The following LHPP variants were observed in gnomAD, a reference collection of about 807,000 sequenced individuals.
The protein encoded by LHPP is phospholysine phosphohistidine inorganic pyrophosphate phosphatase.
A neutral mutation model predicts 30.3 loss-of-function variants in LHPP; 24 were observed. The ratio of observed to expected loss-of-function variants is 0.79; its 90% CI spans 0.57 to 1.11. The LOEUF is 1.11. LHPP is among the 50% of genes most tolerant of loss of function. The probability of loss-of-function intolerance (pLI) is 0.00; values close to 1 mark genes in which losing one functional copy is unlikely to be tolerated. For missense variants in LHPP, 356 were observed against 367.2 expected (o/e 0.97, Z 0.25); for synonymous variants, 150 against 157.1 (o/e 0.95, Z 0.34).
intron 6 of LHPP, among the ~76,000 whole-genome samples, chr10:124,562,927 T>C (rs1301135307): frequency 7.9e-6 from 1 of 126,888 alleles, no homozygotes; most frequent in Non-Finnish European, 1.7e-5. Flanking sequence ...ACAAGAAAGA[T>C]ACCATCTAAA....
In LHPP at chr10:124,559,723, A is replaced by T. The variant is rs547693248; in HGVS notation, c.716+42452A>T. Among the ~76,000 whole-genome samples, 28 of 152,370 alleles carry T rather than the reference A, an allele frequency of 1.8e-4. No individual in the cohort carries two copies. In the South Asian group the frequency reaches 5.6e-3, roughly 30 times the overall value. ...AGGACTTCCTCGGCCAGTCTGGAGT[A>T]AGCCATGGCTGGGGAGATCAGTTCT... On this transcript the variant is annotated intron_variant, in intron 6 of 6. Coordinates refer to ENST00000368842, the MANE Select transcript of LHPP (RefSeq NM_022126.4).
At chr10:124,476,527 C>T (rs953924926) in intron 1 of LHPP, among the ~76,000 whole-genome samples, 3 of 152,218 alleles carry the variant, frequency 2.0e-5, no homozygotes, top group South Asian at 2.1e-4. Context: ...CAGCCTGGTG[C>T]GCGCGCCAGG....
At position 124,517,144 on chromosome 10, in the gene LHPP, G is replaced by C; in HGVS notation, c.625-36G>C. The stretch of plus-strand genomic sequence containing the variant: ...AGGAGCCCGGGAATAAAACTCTCCT[G>C]ACATCACTTCTGAGCGTATTTCACT... On this transcript the variant is annotated intron_variant, in intron 5 of 6. Transcript: ENST00000368842. This position sits in a 1 kb window ranked among gnomAD's most constrained non-coding sequence, Gnocchi z 4.1. 3.4e-6 allele frequency: 5 copies of C among 1,455,848 alleles called. No homozygotes were observed. The highest frequency in any genetic ancestry group is 4.7e-6 in the Non-Finnish European group (5 of 1,069,556). The allele number at this position is 1,455,848 out of a possible 1,614,324, so 90.2% of individuals were successfully genotyped here.
chr10:124,484,354 C>CG, intron 2 of LHPP, 28 bp downstream of exon 2: 1 of 1,595,286 alleles, frequency 6.3e-7, no homozygotes, highest in Non-Finnish European at 8.6e-7. Context: ...CAGGACCTCA[C>CG]GGGGGTGAAA....
chr10:124,473,813 G>C (rs1952862140), intron 1 of LHPP, among the ~76,000 whole-genome samples: 1 of 151,982 alleles, frequency 6.6e-6, no homozygotes, highest in African/African-American at 2.4e-5. Context: ...AATTAGCTGG[G>C]TGCAGTGGTT....
chr10:124,468,498 G>A (rs140455592), intron 1 of LHPP, among the ~76,000 whole-genome samples: 131 of 152,268 alleles, frequency 8.6e-4, no homozygotes, highest in Admixed American at 2.4e-3. Context: ...CTGCAGAACC[G>A]ATGGCCTGGT....
In LHPP at chr10:124,613,621, C is replaced by G. The variant is rs1432479876; in HGVS notation, c.*261C>G. On this transcript the variant is annotated 3_prime_UTR_variant, in exon 7 of 7. Transcript: ENST00000368842. ...GCCTGCTCCCCTGCCTGGGCCCTGA[C>G]TTCAGCTCCCTGTAGTGAAGTCCAG... 9.1e-6 allele frequency: 5 copies of G among 550,328 alleles called. No individual in the cohort carries two copies. The highest frequency in any genetic ancestry group is 1.6e-5 in the Non-Finnish European group (5 of 304,554). The allele number at this position is 550,328 out of a possible 1,614,324, so 34.1% of individuals were successfully genotyped here.
At chr10:124,479,427 G>T (rs1953057356) in intron 1 of LHPP, among the ~76,000 whole-genome samples, 1 of 152,256 alleles carries the variant, frequency 6.6e-6, no homozygotes, top group Admixed American at 6.5e-5. Context: ...AGGCCCCACG[G>T]AGGGATGACA....
chr10:124,588,764 C>T (rs1200729587), intron 6 of LHPP, among the ~76,000 whole-genome samples: 1 of 152,196 alleles, frequency 6.6e-6, no homozygotes, highest in African/African-American at 2.4e-5. Context: ...TCCCCCAACA[C>T]TGCCTTCCAA....
Position 124,510,324 on chromosome 10 carries a change from C to T in LHPP, c.625-6856C>T, listed in dbSNP as rs1287962168. Among the ~76,000 whole-genome samples the T allele has an allele frequency of 2.6e-5, 4 of 152,228 alleles. No homozygotes were observed. The highest frequency in any genetic ancestry group is 4.4e-5 in the Non-Finnish European group (3 of 68,040). On this transcript the variant is annotated intron_variant, in intron 5 of 6. Coordinates refer to ENST00000368842, the MANE Select transcript of LHPP (RefSeq NM_022126.4). The surrounding 1 kb of genome is among the most constrained non-coding windows in gnomAD (Gnocchi z 4.0). ...TCTGGGAATCCCCTGGGGTCCTGAG[C>T]GCACTTTGGTATGCGGAGCCCACAA... is the stretch of plus-strand genomic sequence containing the variant.
At chr10:124,471,441 ATATATTTATATATT>A (rs1192478126) in intron 1 of LHPP, among the ~76,000 whole-genome samples, 1 of 5,818 alleles carries the variant, frequency 1.7e-4, no homozygotes, top group Admixed American at 5.7e-3. Flanking sequence ...TATATATTAT[ATATATTTATATATT>A]TATATATATT....
chr10:124,601,790 G>T (rs1459085728), intron 6 of LHPP, among the ~76,000 whole-genome samples: 1 of 152,220 alleles, frequency 6.6e-6, no homozygotes, highest in Non-Finnish European at 1.5e-5. Flanking sequence ...TCTCTGCCTG[G>T]CTGGCACACG....
chr10:124,534,760 G>A (rs1954982636), intron 6 of LHPP, among the ~76,000 whole-genome samples: 1 of 152,200 alleles, frequency 6.6e-6, no homozygotes, highest in Admixed American at 6.5e-5. Context: ...CGAGGGGGGT[G>A]CTCCCCAGGC....
chr10:124,559,511 C>T (rs998898725), intron 6 of LHPP, among the ~76,000 whole-genome samples: 3 of 152,358 alleles, frequency 2.0e-5, no homozygotes, highest in African/African-American at 7.2e-5. Flanking sequence ...ACCCTTCCAG[C>T]GAAGTCACAT....
At chr10:124,504,150 C>T (rs1456584118) in intron 5 of LHPP, among the ~76,000 whole-genome samples, 1 of 152,028 alleles carries the variant, frequency 6.6e-6, no homozygotes, top group Non-Finnish European at 1.5e-5. Context: ...CGAGATCCTG[C>T]CACTGCACTC....
chr10:124,579,247 A>G (rs771312557), intron 6 of LHPP, among the ~76,000 whole-genome samples: 1 of 152,242 alleles, frequency 6.6e-6, no homozygotes, highest in Non-Finnish European at 1.5e-5. Flanking sequence ...GGCGCTGGCC[A>G]GTCTGAGTCA....
chr10:124,498,660 CTTTT>C (rs552228070), intron 5 of LHPP: 34,494 of 343,888 alleles, frequency 0.1, 422 homozygotes, highest in Non-Finnish European at 0.12. Flanking sequence ...TTTTCTTTTT[CTTTT>C]TTTTTTTTTT....
At chr10:124,501,130 T>C (rs371629909) in intron 5 of LHPP, among the ~76,000 whole-genome samples, 1 of 151,932 alleles carries the variant, frequency 6.6e-6, no homozygotes, top group Non-Finnish European at 1.5e-5. Flanking sequence ...AGCATTATGC[T>C]AAGTGAAGGA....
At chr10:124,582,485 T>A (rs192118758) in intron 6 of LHPP, among the ~76,000 whole-genome samples, 19 of 152,368 alleles carry the variant, frequency 1.2e-4, no homozygotes, top group Non-Finnish European at 1.8e-4. Flanking sequence ...ATATATGATT[T>A]ACAGGTACAG....
Sources: gnomAD v4.1 joint callset for allele counts (sites outside exome capture counted in the v4.1 genomes callset) on GRCh38, gnomAD v4.1.1 for gene constraint, Gnocchi (gnomAD v3.1) non-coding constraint, MANE v1.5 for transcripts, NCBI Gene and HGNC (gene_info 2026-07-23, HGNC 2026-07-21) for gene names.